THOC5: variants seen among roughly 807,000 people sequenced by gnomAD.
The protein encoded by THOC5 is THO complex subunit 5, also known as Fms-interacting protein.
A neutral mutation model predicts 92.9 loss-of-function variants in THOC5; 43 were observed. That is an observed-to-expected ratio of 0.46 (90% CI 0.36 to 0.60). The LOEUF (loss-of-function observed/expected upper bound fraction) is 0.60. Among genes scored for constraint, THOC5 ranks in the 20% least tolerant of loss-of-function variants. The probability of loss-of-function intolerance (pLI) is 0.00; values close to 1 mark genes in which losing one functional copy is unlikely to be tolerated. For synonymous variants in THOC5, 296 were observed against 320.1 expected (o/e 0.92, Z 0.80); for missense variants, 659 against 849.4 (o/e 0.78, Z 2.79).
intron 12 of THOC5, among the ~76,000 whole-genome samples, chr22:29,523,336 G>A (rs537149176): frequency 8.4e-4 from 127 of 152,034 alleles, no homozygotes; most frequent in African/African-American, 3.0e-3. Context: ...ATGGATCTAG[G>A]CAACAGTTGT....
At position 29,506,091 on chromosome 22, in the gene THOC5, C is replaced by T. The variant is rs1024928262; in HGVS notation, c.*2366G>A. 1 of 152,126 alleles carries T rather than the reference C, an allele frequency of 6.6e-6. No homozygotes were observed. The highest frequency in any genetic ancestry group is 2.4e-5 in the African/African-American group (1 of 41,422). 9.4% of individuals were successfully genotyped at this position (152,126 alleles called of 1,614,324 possible). A position where few individuals can be genotyped will look rare whatever the true frequency, so the allele number is the denominator to read the frequency against. ...GCCAGGCTGGTCTTGAACTCCTGAT[C>T]TCAGGTGATCCGCCCACCAGCCTCC... On this transcript the variant is annotated 3_prime_UTR_variant, in exon 20 of 20. Transcript: ENST00000490103.
In THOC5 at chr22:29,511,243, G is replaced by A. The variant is rs756370541; in HGVS notation, c.1851C>T (p.Pro617=). 1 of 1,614,138 alleles carries A rather than the reference G, an allele frequency of 6.2e-7. No homozygotes were observed. Among genetic ancestry groups the A allele is most frequent in the Non-Finnish European group, 8.5e-7 (1 of 1,180,038 alleles). The change falls in exon 19 of 20, where the codon CCC becomes CCT. Residue 617 remains proline (P), a synonymous_variant. Coordinates refer to ENST00000490103, the MANE Select transcript of THOC5 (RefSeq NM_003678.5). ...VCYKELCGPW[P]SHQLLTNQLQ... ...GCTGGTTGGTCAACAGCTGGTGGCT[G>A]GGCCAAGGGCCACACAGCTCCTTGT... is the stretch of plus-strand genomic sequence containing the variant.
At chr22:29,520,160 A>G in intron 13 of THOC5, 56 bp from the exon 14 acceptor site, 1 of 1,482,862 alleles carries the variant, frequency 6.7e-7, no homozygotes. Context: ...CTGTGGTCCC[A>G]GGATACAGCC....
chr22:29,552,218 A>G (rs1161246348), intron 1 of THOC5, among the ~76,000 whole-genome samples: 19 of 144,198 alleles, frequency 1.3e-4, no homozygotes, highest in African/African-American at 2.3e-4. Context: ...CCGTCTGGGA[A>G]GTGAGGAGCG....
intron 8 of THOC5, chr22:29,531,567 G>C: frequency 8.4e-7 from 1 of 1,183,556 alleles, no homozygotes; most frequent in Non-Finnish European, 1.0e-6. Flanking sequence ...CAGGCTGCCT[G>C]GGTTCTGCAC....
At chr22:29,543,753 C>G (rs1007817144) in intron 3 of THOC5, among the ~76,000 whole-genome samples, 4 of 152,088 alleles carry the variant, frequency 2.6e-5, no homozygotes, top group Non-Finnish European at 5.9e-5. Flanking sequence ...TCTGCTTGGA[C>G]TAGAGTAACA....
intron 12 of THOC5, among the ~76,000 whole-genome samples, chr22:29,524,212 ACT>A (rs1361208710): frequency 2.0e-5 from 3 of 151,938 alleles, no homozygotes; most frequent in South Asian, 2.1e-4. Flanking sequence ...ATAATTCTCC[ACT>A]CTCTACCTGT....
intron 17 of THOC5, 130 bp from the exon 18 acceptor site, chr22:29,512,266 C>A: frequency 1.5e-6 from 1 of 668,464 alleles, no homozygotes; most frequent in South Asian, 1.9e-5. Flanking sequence ...AGAGTATATT[C>A]TGGTACCAAC....
Position 29,512,097 on chromosome 22 carries a change from G to A in THOC5, c.1721C>T (p.Ser574Phe). 2 of 1,614,164 alleles carry A rather than the reference G, an allele frequency of 1.2e-6. No homozygotes were observed. The highest frequency in any genetic ancestry group is 1.7e-6 in the Non-Finnish European group (2 of 1,180,000). Reference protein sequence around the residue: ...QAAVVLNPGYSSIPPVFQLCL... With the variant: ...QAAVVLNPGYFSIPPVFQLCL... The stretch of plus-strand genomic sequence containing the variant: ...GAGCTGGAAAACAGGTGGGATGGAG[G>A]AGTAGCCAGGGTTCAACACCACAGC... The change falls in exon 18 of 20, where the codon TCC becomes TTC. Residue 574 changes from serine (S) to phenylalanine (F), a missense_variant. Transcript: ENST00000490103.
At chr22:29,522,272 A>G (rs2063457748) in intron 12 of THOC5, among the ~76,000 whole-genome samples, 1 of 151,924 alleles carries the variant, frequency 6.6e-6, no homozygotes, top group Non-Finnish European at 1.5e-5. Context: ...AGGCAGGAGA[A>G]TGGTGTGAAC....
chr22:29,527,997 G>T, intron 11 of THOC5, 81 bp downstream of exon 11: 1 of 1,343,604 alleles, frequency 7.4e-7, no homozygotes, highest in Non-Finnish European at 1.1e-6. Context: ...ATGGGTGTTT[G>T]GCTCCCGGAC....
intron 13 of THOC5, 27 bp from the exon 14 acceptor site, chr22:29,520,131 G>A (rs752401425): frequency 6.2e-7 from 1 of 1,602,332 alleles, no homozygotes; most frequent in Non-Finnish European, 8.5e-7. Context: ...AAATAAAATT[G>A]TGCTGTAAGT....
chr22:29,512,983 T>C (rs1205239053), intron 17 of THOC5, among the ~76,000 whole-genome samples: 1 of 152,236 alleles, frequency 6.6e-6, no homozygotes, highest in Non-Finnish European at 1.5e-5. Context: ...ACTTTCACTC[T>C]CTGACCACTA....
intron 11 of THOC5, among the ~76,000 whole-genome samples, chr22:29,527,166 T>G (rs112662375): frequency 6.6e-6 from 1 of 152,166 alleles, no homozygotes; most frequent in African/African-American, 2.4e-5. Flanking sequence ...ACGCTTCCAG[T>G]CCTAGCTACT....
At chr22:29,544,977 T>C (rs894559603) in intron 2 of THOC5, 1 of 343,900 alleles carries the variant, frequency 2.9e-6, no homozygotes, top group Non-Finnish European at 5.6e-6. Context: ...TAAGTGCAAC[T>C]TCCCATCTGC....
At chr22:29,530,516 T>C (rs2063631683) in intron 8 of THOC5, among the ~76,000 whole-genome samples, 1 of 151,660 alleles carries the variant, frequency 6.6e-6, no homozygotes, top group Non-Finnish European at 1.5e-5. Context: ...CCAGACTCCA[T>C]CTCAAAAAAA....
intron 12 of THOC5, among the ~76,000 whole-genome samples, chr22:29,521,874 G>T (rs1181169607): frequency 6.6e-6 from 1 of 152,110 alleles, no homozygotes; most frequent in Non-Finnish European, 1.5e-5. Context: ...CATGGATAAC[G>T]TCAGGAGCAA....
intron 17 of THOC5, among the ~76,000 whole-genome samples, chr22:29,516,251 G>A (rs1667161091): frequency 6.6e-6 from 1 of 152,096 alleles, no homozygotes; most frequent in Non-Finnish European, 1.5e-5. Context: ...GTGGGATAGG[G>A]AGGCCTCAAC....
intron 9 of THOC5, 50 bp downstream of exon 9, chr22:29,529,112 T>C (rs542329109): frequency 2.5e-5 from 39 of 1,587,502 alleles, no homozygotes; most frequent in Non-Finnish European, 3.4e-5. Flanking sequence ...GGACTGCCCT[T>C]GGATGGTGAC....
Sources: gnomAD v4.1 joint callset for allele counts (sites outside exome capture counted in the v4.1 genomes callset) on GRCh38, gnomAD v4.1.1 for gene constraint, MANE v1.5 for transcripts, NCBI Gene and HGNC (gene_info 2026-07-23, HGNC 2026-07-21) for gene names.